Variants in NFIB observed in about 807,000 individuals in gnomAD.
NFIB encodes nuclear factor I B.
In NFIB, 11 loss-of-function variants were observed where a neutral mutation model predicts 61.5. The observed-to-expected ratio is 0.18, with a 90% confidence interval of 0.11 to 0.30. The LOEUF is 0.30. Among genes scored for constraint, NFIB ranks in the 10% least tolerant of loss-of-function variants. The pLI is 1.00. For missense variants in NFIB, 471 were observed against 608.9 expected, an observed-to-expected ratio of 0.77 and a Z score of 2.38; for synonymous variants, 260 against 216.5, an observed-to-expected ratio of 1.20 and a Z score of -1.76.
the NFIB span, among the ~76,000 whole-genome samples, chr9:14,455,557 T>A: frequency 6.6e-6 from 1 of 152,068 alleles, no homozygotes; most frequent in Non-Finnish European, 1.5e-5. Flanking sequence ...TTAGGGAAAC[T>A]CAGGGATATG....
At chr9:14,458,448 A>C in the NFIB span, among the ~76,000 whole-genome samples, 5 of 152,212 alleles carry the variant, frequency 3.3e-5, no homozygotes, top group East Asian at 9.6e-4. Flanking sequence ...TCCCTTTGAA[A>C]ACTGGCACAA....
chr9:14,525,543 C>T, the NFIB span, among the ~76,000 whole-genome samples: 1 of 152,094 alleles, frequency 6.6e-6, no homozygotes, highest in African/African-American at 2.4e-5. Context: ...ACCAGGCAAA[C>T]ACCTGGCAAA....
At chr9:14,119,774 T>C (rs1164142282) in intron 8 of NFIB, among the ~76,000 whole-genome samples, 3 of 152,226 alleles carry the variant, frequency 2.0e-5, no homozygotes, top group Non-Finnish European at 4.4e-5. Flanking sequence ...AATGCTCATA[T>C]ACCAAATTCC....
intron 2 of NFIB, among the ~76,000 whole-genome samples, chr9:14,234,678 ATT>A (rs2053561286): frequency 6.6e-6 from 1 of 151,244 alleles, no homozygotes; most frequent in Admixed American, 6.6e-5. Flanking sequence ...TTTTTTTAAC[ATT>A]TTGTTAGTTA....
the NFIB span, among the ~76,000 whole-genome samples, chr9:14,438,042 G>C: frequency 6.6e-6 from 1 of 151,896 alleles, no homozygotes; most frequent in African/African-American, 2.4e-5. Context: ...GCGTATGTGC[G>C]TGCGTGTGCA....
At chr9:14,375,233 T>C (rs545713050) in intron 1 of NFIB, among the ~76,000 whole-genome samples, 40 of 152,354 alleles carry the variant, frequency 2.6e-4, no homozygotes, top group African/African-American at 9.6e-4. Flanking sequence ...CTCTCTGCTC[T>C]TCCAGTCTTA....
chr9:14,107,163 G>C (rs969352831), intron 10 of NFIB, among the ~76,000 whole-genome samples: 1 of 151,924 alleles, frequency 6.6e-6, no homozygotes, highest in Non-Finnish European at 1.5e-5. Context: ...TTTGGATTAG[G>C]AGAATTTTAT....
At chr9:14,477,929 C>A in the NFIB span, among the ~76,000 whole-genome samples, 1 of 152,218 alleles carries the variant, frequency 6.6e-6, no homozygotes, top group East Asian at 1.9e-4. Flanking sequence ...CTTCCAGACC[C>A]ATAAGATCTA....
At chr9:14,437,426 G>C in the NFIB span, among the ~76,000 whole-genome samples, 1 of 152,134 alleles carries the variant, frequency 6.6e-6, no homozygotes, top group South Asian at 2.1e-4. Context: ...ATTTAAGTTG[G>C]GTGTAAGCAA....
In NFIB at chr9:14,225,838, AT is replaced by A. The variant is rs540797670; in HGVS notation, c.563-46059del. Among the ~76,000 whole-genome samples, 289 of 152,174 alleles carry A rather than the reference AT, an allele frequency of 1.9e-3. 1 individual carries two copies. The highest frequency in any genetic ancestry group is 3.2e-3 in the Non-Finnish European group (219 of 67,998). Reference sequence around the variant, plus strand: ...GATCCAAGCCAAATGTTTTTTAATGATTTTTTTCTTTTATGCTGACTGTATA... The same window carrying A: ...GATCCAAGCCAAATGTTTTTTAATGATTTTTTCTTTTATGCTGACTGTATA... On this transcript the variant is annotated intron_variant, in intron 2 of 10. Coordinates refer to ENST00000380953, the MANE Select transcript of NFIB (RefSeq NM_001190737.2).
At chr9:14,195,826 G>A (rs963179642) in intron 2 of NFIB, among the ~76,000 whole-genome samples, 1 of 151,976 alleles carries the variant, frequency 6.6e-6, no homozygotes, top group Non-Finnish European at 1.5e-5. Context: ...TGCAAACATA[G>A]ACAAAGGAAT....
chr9:14,150,071 T>A, intron 5 of NFIB, 74 bp downstream of exon 5: 1 of 1,583,352 alleles, frequency 6.3e-7, no homozygotes, highest in Non-Finnish European at 8.6e-7. Context: ...TACCTACCTA[T>A]CTATCTGCCT....
intron 3 of NFIB, among the ~76,000 whole-genome samples, chr9:14,168,693 G>A (rs1007466941): frequency 2.6e-5 from 4 of 152,174 alleles, no homozygotes; most frequent in Admixed American, 1.3e-4. Context: ...GCAAAATATC[G>A]CTACAGAGAT....
chr9:14,192,122 C>A (rs1474610703), intron 2 of NFIB, among the ~76,000 whole-genome samples: 1 of 152,156 alleles, frequency 6.6e-6, no homozygotes, highest in Non-Finnish European at 1.5e-5. Context: ...GAGCCTGTCA[C>A]CTGTTGTTTT....
At chr9:14,336,406 T>A (rs1321848078) in intron 1 of NFIB, among the ~76,000 whole-genome samples, 1 of 152,220 alleles carries the variant, frequency 6.6e-6, no homozygotes, top group South Asian at 2.1e-4. Context: ...GCACCTGACA[T>A]TTTTGGAAAA....
intron 2 of NFIB, among the ~76,000 whole-genome samples, chr9:14,241,493 A>T (rs942974203): frequency 6.7e-6 from 1 of 148,890 alleles, no homozygotes; most frequent in African/African-American, 2.5e-5. Flanking sequence ...CTTTCTCCAA[A>T]GTAGCATATT....
chr9:14,283,467 G>C (rs527484754), intron 2 of NFIB, among the ~76,000 whole-genome samples: 1 of 152,300 alleles, frequency 6.6e-6, no homozygotes, highest in African/African-American at 2.4e-5. Context: ...GGACCTAATA[G>C]TTTCTGTGTA....
chr9:14,252,975 G>A, intron 2 of NFIB, among the ~76,000 whole-genome samples: 1 of 143,490 alleles, frequency 7.0e-6, no homozygotes, highest in African/African-American at 2.6e-5. Context: ...GGAAGGGAGG[G>A]AGGGAGGGAG....
At chr9:14,276,141 A>G (rs2057982468) in intron 2 of NFIB, among the ~76,000 whole-genome samples, 1 of 152,092 alleles carries the variant, frequency 6.6e-6, no homozygotes, top group Non-Finnish European at 1.5e-5. Flanking sequence ...ATTTTTTGGT[A>G]TGAGGTGGTG....
Sources: gnomAD v4.1 joint callset for allele counts (sites outside exome capture counted in the v4.1 genomes callset) on GRCh38, gnomAD v4.1.1 for gene constraint, MANE v1.5 for transcripts, NCBI Gene and HGNC (gene_info 2026-07-23, HGNC 2026-07-21) for gene names.